Variants in SGMS2 observed in about 807,000 individuals in gnomAD.
The protein encoded by SGMS2 is phosphatidylcholine:ceramide cholinephosphotransferase 2.
Under a neutral mutation model 43.8 loss-of-function variants are expected in SGMS2, and 21 were observed. The ratio of observed to expected loss-of-function variants is 0.48; its 90% CI spans 0.34 to 0.69. SGMS2 has a LOEUF of 0.69. Among genes scored for constraint, SGMS2 ranks in the 30% least tolerant of loss-of-function variants. The pLI, the probability that SGMS2 is intolerant of heterozygous loss-of-function variation, is 0.01. For missense variants in SGMS2, 384 were observed against 443.2 expected, an observed-to-expected ratio of 0.87 and a Z score of 1.20; for synonymous variants, 167 against 160.6, an observed-to-expected ratio of 1.04 and a Z score of -0.30.
At chr4:107,844,147 C>T (rs1248063117) in intron 1 of SGMS2, among the ~76,000 whole-genome samples, 1 of 151,302 alleles carries the variant, frequency 6.6e-6, no homozygotes, top group African/African-American at 2.4e-5. Flanking sequence ...ATAGTGAAAC[C>T]CAGTCTCTAC....
chr4:107,903,592 G>A (rs1045271650), intron 5 of SGMS2, among the ~76,000 whole-genome samples: 3 of 152,058 alleles, frequency 2.0e-5, no homozygotes, highest in African/African-American at 7.2e-5. Context: ...CTAGTCATAT[G>A]TGATTTGAAC....
chr4:107,887,616 AGGC>A (rs1729863606), intron 2 of SGMS2, among the ~76,000 whole-genome samples: 1 of 152,218 alleles, frequency 6.6e-6, no homozygotes, highest in African/African-American at 2.4e-5. Context: ...GGTAAGAAAA[AGGC>A]ATACTTTATA....
intron 1 of SGMS2, among the ~76,000 whole-genome samples, chr4:107,853,087 A>G (rs1431216730): frequency 6.6e-6 from 1 of 152,186 alleles, no homozygotes; most frequent in African/African-American, 2.4e-5. Flanking sequence ...CCTTCTTGTC[A>G]TCGCTCATGA....
At chr4:107,848,788 A>T (rs1305814055) in intron 1 of SGMS2, among the ~76,000 whole-genome samples, 1 of 152,140 alleles carries the variant, frequency 6.6e-6, no homozygotes, top group African/African-American at 2.4e-5. Context: ...AGCTCTATTT[A>T]TATTTAGAAT....
chr4:107,854,557 T>G (rs1297264497), intron 1 of SGMS2, among the ~76,000 whole-genome samples: 2 of 152,182 alleles, frequency 1.3e-5, no homozygotes, highest in Non-Finnish European at 2.9e-5. Flanking sequence ...TGCATCAGGT[T>G]ACTTAGTGTT....
At chr4:107,895,177 A>G (rs1730562458) in intron 2 of SGMS2, 133 bp from the exon 3 acceptor site, 1 of 180,046 alleles carries the variant, frequency 5.6e-6, no homozygotes, top group Non-Finnish European at 1.2e-5. Context: ...AGCAGCTTTA[A>G]CTAGGTTCTG....
intron 2 of SGMS2, among the ~76,000 whole-genome samples, chr4:107,874,348 T>A (rs1728760643): frequency 6.6e-6 from 1 of 152,156 alleles, no homozygotes; most frequent in African/African-American, 2.4e-5. Flanking sequence ...ACCAGCACAG[T>A]TGGTCACAAA....
intron 2 of SGMS2, among the ~76,000 whole-genome samples, chr4:107,884,597 C>T (rs1729601403): frequency 6.6e-6 from 1 of 152,138 alleles, no homozygotes; most frequent in Non-Finnish European, 1.5e-5. Context: ...AAACCTGCCT[C>T]CCATTCTCAC....
Position 107,895,902 on chromosome 4 carries a change from T to C in SGMS2, c.349T>C (p.Phe117Leu), listed in dbSNP as rs1260663987. The change falls in exon 3 of 7, where the codon TTT becomes CTT. Residue 117 changes from phenylalanine to leucine, a missense_variant. Phe to Leu is a conservative substitution (Grantham distance 22). Transcript: ENST00000690982. ...GCTTAGCCCTCCACTCCCAGACAAG[T>C]TTTTTGATTACATTGATAGGGTGAA... is the stretch of plus-strand genomic sequence containing the variant. ...KELSPPLPDK[F>L]FDYIDRVKWA... The C allele has an allele frequency of 1.9e-6, 3 of 1,613,826 alleles. No individual in the cohort carries two copies. In the Admixed American group the frequency reaches 5.0e-5, roughly 27 times the overall value.
chr4:107,872,333 A>T (rs1168702517), intron 2 of SGMS2, among the ~76,000 whole-genome samples: 1 of 152,144 alleles, frequency 6.6e-6, no homozygotes, highest in African/African-American at 2.4e-5. Flanking sequence ...GCCTAATTGA[A>T]TAGCCACCCT....
chr4:107,897,889 A>C (rs1489874356), intron 3 of SGMS2, among the ~76,000 whole-genome samples: 4 of 152,194 alleles, frequency 2.6e-5, no homozygotes, highest in Non-Finnish European at 5.9e-5. Flanking sequence ...TATGGGAAAA[A>C]GTCATTAGCA....
chr4:107,901,014 A>G (rs1465428835), intron 4 of SGMS2, among the ~76,000 whole-genome samples: 1 of 152,216 alleles, frequency 6.6e-6, no homozygotes, highest in Non-Finnish European at 1.5e-5. Flanking sequence ...ACAGAAAAGA[A>G]GGCAAACCCA....
intron 1 of SGMS2, 93 bp downstream of exon 1, chr4:107,825,346 G>C (rs1251931672): frequency 6.6e-6 from 1 of 152,400 alleles, no homozygotes. Context: ...TGCGAAGCGG[G>C]GACGTGGCTC....
chr4:107,858,360 C>G (rs1447556976), intron 1 of SGMS2, 112 bp from the exon 2 acceptor site: 1 of 152,202 alleles, frequency 6.6e-6, no homozygotes, highest in African/African-American at 2.4e-5. Context: ...TTGGAGAGCT[C>G]TAGGAGGGTA....
chr4:107,825,620 C>CTTTTTTTTTTTT (rs201101875), intron 1 of SGMS2, among the ~76,000 whole-genome samples: 42 of 116,272 alleles, frequency 3.6e-4, no homozygotes, highest in African/African-American at 1.5e-3. Context: ...TTTTCTTTCT[C>CTTTTTTTTTTTT]TTTTTTTTTT....
At chr4:107,905,098 A>G (rs1731442123) in intron 5 of SGMS2, among the ~76,000 whole-genome samples, 1 of 152,212 alleles carries the variant, frequency 6.6e-6, no homozygotes, top group African/African-American at 2.4e-5. Context: ...TAACTGTATT[A>G]GTCTGTTTTC....
At chr4:107,856,610 A>G (rs959417508) in intron 1 of SGMS2, among the ~76,000 whole-genome samples, 5 of 152,182 alleles carry the variant, frequency 3.3e-5, no homozygotes, top group Non-Finnish European at 7.3e-5. Context: ...AGAGAGGGTG[A>G]TAACCGGAGA....
intron 1 of SGMS2, among the ~76,000 whole-genome samples, chr4:107,854,016 A>T (rs1727291872): frequency 6.6e-6 from 1 of 152,236 alleles, no homozygotes; most frequent in South Asian, 2.1e-4. Flanking sequence ...TATTCTCTTT[A>T]GCAATACTCC....
intron 1 of SGMS2, among the ~76,000 whole-genome samples, chr4:107,840,486 C>G (rs1726437958): frequency 6.6e-6 from 1 of 152,170 alleles, no homozygotes; most frequent in Non-Finnish European, 1.5e-5. Flanking sequence ...AGCCTCATCT[C>G]TCTATTAGCA....
Sources: allele counts gnomAD v4.1 joint callset (sites outside exome capture counted in the v4.1 genomes callset), GRCh38; gene constraint gnomAD v4.1.1; transcripts MANE v1.5; gene names NCBI Gene and HGNC (gene_info 2026-07-23, HGNC 2026-07-21).